CD2AP: variants seen among roughly 807,000 people sequenced by gnomAD.
CD2AP encodes CD2-associated protein.
Under a neutral mutation model 85.1 loss-of-function variants are expected in CD2AP, and 46 were observed. The ratio of observed to expected loss-of-function variants is 0.54; its 90% CI spans 0.43 to 0.69. CD2AP has a LOEUF of 0.69. Among genes scored for constraint, CD2AP ranks in the 30% least tolerant of loss-of-function variants. The pLI, the probability that CD2AP is intolerant of heterozygous loss-of-function variation, is 0.00. For missense variants in CD2AP, 769 were observed against 729.5 expected (o/e 1.05, Z -0.62); for synonymous variants, 255 against 252.9 (o/e 1.01, Z -0.08).
At chr6:47,554,917 A>G in intron 5 of CD2AP, 151 bp downstream of exon 5, 1 of 631,382 alleles carries the variant, frequency 1.6e-6, no homozygotes, top group Middle Eastern at 4.4e-4. Flanking sequence ...TATGATGGGG[A>G]CCTAACTGAA....
At chr6:47,506,794 G>A (rs112612828) in intron 2 of CD2AP, among the ~76,000 whole-genome samples, 843 of 79,584 alleles carry the variant, frequency 0.011, 96 homozygotes, top group Middle Eastern at 0.026. Flanking sequence ...AGAGGGAGAC[G>A]GAGGGAGAGG....
At chr6:47,478,527 T>G (rs1488336241) in intron 1 of CD2AP, among the ~76,000 whole-genome samples, 1 of 152,150 alleles carries the variant, frequency 6.6e-6, no homozygotes, top group Non-Finnish European at 1.5e-5. Context: ...CGGGGGCGCC[T>G]GGCCACCTCT....
At chr6:47,561,862 C>T (rs750144502) in intron 5 of CD2AP, among the ~76,000 whole-genome samples, 2 of 152,156 alleles carry the variant, frequency 1.3e-5, no homozygotes, top group Non-Finnish European at 2.9e-5. Flanking sequence ...CTCACTGCAA[C>T]CTCCGCCTCC....
intron 2 of CD2AP, among the ~76,000 whole-genome samples, chr6:47,520,700 A>G (rs1016352533): frequency 7.1e-6 from 1 of 141,340 alleles, no homozygotes; most frequent in Admixed American, 7.1e-5. Context: ...CTACTTGGTC[A>G]TTGCTACCAT....
chr6:47,580,241 A>T (rs1307701315), intron 9 of CD2AP, among the ~76,000 whole-genome samples: 1 of 152,204 alleles, frequency 6.6e-6, no homozygotes, highest in African/African-American at 2.4e-5. Flanking sequence ...ATGTTTGTAC[A>T]TTACGGCTTA....
intron 11 of CD2AP, among the ~76,000 whole-genome samples, chr6:47,593,249 C>CT (rs1252906754): frequency 2.6e-5 from 4 of 151,926 alleles, no homozygotes; most frequent in African/African-American, 9.7e-5. Context: ...AATAATTGTA[C>CT]TTTATCAAAA....
chr6:47,506,777 C>G (rs796879563), intron 2 of CD2AP, among the ~76,000 whole-genome samples: 7 of 134,140 alleles, frequency 5.2e-5, no homozygotes, highest in African/African-American at 1.9e-4. Flanking sequence ...AGAGGGAGAC[C>G]GTGGGGAGAG....
chr6:47,526,114 C>T (rs1172996076), intron 2 of CD2AP, among the ~76,000 whole-genome samples: 2 of 152,130 alleles, frequency 1.3e-5, no homozygotes, highest in Non-Finnish European at 2.9e-5. Flanking sequence ...ACACTGGAAG[C>T]CTTACTAATA....
intron 1 of CD2AP, among the ~76,000 whole-genome samples, chr6:47,498,844 CCTGA>C (rs1380103976): frequency 6.6e-6 from 1 of 151,956 alleles, no homozygotes; most frequent in African/African-American, 2.4e-5. Flanking sequence ...TCATTTTTTT[CCTGA>C]CTGATATCTT....
intron 5 of CD2AP, among the ~76,000 whole-genome samples, chr6:47,566,938 CATGT>C (rs1464446218): frequency 2.0e-5 from 3 of 152,122 alleles, no homozygotes; most frequent in African/African-American, 7.2e-5. Flanking sequence ...CATATGCATG[CATGT>C]GTCTTTATAG....
In CD2AP at chr6:47,543,582, A is replaced by G. The variant is rs116279947; in HGVS notation, c.320-1024A>G. On this transcript the variant is annotated intron_variant, in intron 3 of 17. Coordinates refer to ENST00000359314, the MANE Select transcript of CD2AP (RefSeq NM_012120.3). ...CCCCTCTTCTGGCTTGTAGAGGACC[A>G]CTGTCTCCTTGTTTTCTCACTTGGT... Among the ~76,000 whole-genome samples the G allele has an allele frequency of 7.9e-3, 1,200 of 152,212 alleles. 14 individuals are homozygous for G. The highest frequency in any genetic ancestry group is 0.027 in the African/African-American group (1,120 of 41,518).
At position 47,627,118 on chromosome 6, in the gene CD2AP, A is replaced by C. The variant is rs1769929125; in HGVS notation, c.*2891A>C. Reference sequence around the variant, plus strand: ...GCATGCTTCTCTCTCAAAAAGAAAAATTAAAGGATTTTATTGCCAGTCGTG... The same window carrying C: ...GCATGCTTCTCTCTCAAAAAGAAAACTTAAAGGATTTTATTGCCAGTCGTG... On this transcript the variant is annotated 3_prime_UTR_variant, in exon 18 of 18. Transcript: ENST00000359314. 1 of 152,482 alleles carries C rather than the reference A, an allele frequency of 6.6e-6. No homozygotes were observed. The highest frequency in any genetic ancestry group is 2.1e-4 in the South Asian group (1 of 4,830). The allele number at this position is 152,482 out of a possible 1,614,324, so 9.4% of individuals were successfully genotyped here.
rs763126675 is a variant in CD2AP at position 47,577,045 on chromosome 6, G to A, written c.845G>A (p.Gly282Asp). 2.0e-6 allele frequency: 3 copies of A among 1,531,130 alleles called. No homozygotes were observed. The highest frequency in any genetic ancestry group is 9.1e-7 in the Non-Finnish European group (1 of 1,104,800). The allele number at this position is 1,531,130 out of a possible 1,614,324, so 94.8% of individuals were successfully genotyped here. The change falls in exon 8 of 18, where the codon GGT becomes GAT. Residue 282 changes from glycine to aspartate, a missense_variant. Transcript: ENST00000359314. ...TGTAGAACATTATTTGCCTATGAAG[G>A]TACTAATGAAGATGAACTTACTTTT... ...EYCRTLFAYE[G>D]TNEDELTFKE...
At chr6:47,494,374 C>T (rs1360203416) in intron 1 of CD2AP, among the ~76,000 whole-genome samples, 1 of 152,092 alleles carries the variant, frequency 6.6e-6, no homozygotes. Context: ...ATACTGGAGC[C>T]TCATTGATAT....
intron 17 of CD2AP, among the ~76,000 whole-genome samples, chr6:47,622,241 A>G (rs1391283717): frequency 6.6e-6 from 1 of 152,184 alleles, no homozygotes; most frequent in Non-Finnish European, 1.5e-5. Flanking sequence ...GATGGGCTTG[A>G]AAACTTGCCC....
intron 17 of CD2AP, among the ~76,000 whole-genome samples, chr6:47,623,752 A>G (rs1282100978): frequency 6.6e-6 from 1 of 152,110 alleles, no homozygotes; most frequent in African/African-American, 2.4e-5. Flanking sequence ...AACAATAATT[A>G]TAATTATAAT....
intron 7 of CD2AP, 113 bp from the exon 8 acceptor site, chr6:47,576,892 ATAAT>A (rs1768328943): frequency 1.3e-5 from 9 of 708,370 alleles, no homozygotes; most frequent in African/African-American, 3.6e-5. Context: ...AAATTTAAAG[ATAAT>A]TAAGTTCATC....
chr6:47,538,665 C>G (rs1767118329), intron 3 of CD2AP, among the ~76,000 whole-genome samples: 1 of 152,140 alleles, frequency 6.6e-6, no homozygotes, highest in Admixed American at 6.5e-5. Flanking sequence ...AATCCTTTTG[C>G]TGTTCTGAAG....
At chr6:47,568,666 C>T (rs1411317614) in intron 5 of CD2AP, among the ~76,000 whole-genome samples, 1 of 152,102 alleles carries the variant, frequency 6.6e-6, no homozygotes, top group Non-Finnish European at 1.5e-5. Flanking sequence ...TTCGCTTGAA[C>T]CTGGGAGGCG....
Sources: gnomAD v4.1 joint callset for allele counts (sites outside exome capture counted in the v4.1 genomes callset) on GRCh38, gnomAD v4.1.1 for gene constraint, MANE v1.5 for transcripts, NCBI Gene and HGNC (gene_info 2026-07-23, HGNC 2026-07-21) for gene names.